Variants in ASAH2 observed in about 807,000 individuals in gnomAD.
The protein encoded by ASAH2 is neutral ceramidase.
A neutral mutation model predicts 82.9 loss-of-function variants in ASAH2; 58 were observed. The observed-to-expected ratio is 0.70, with a 90% CI of 0.57 to 0.87. The LOEUF is 0.87. Ranked by LOEUF, ASAH2 falls within the 40% of genes least tolerant of loss-of-function variation. The probability of loss-of-function intolerance (pLI) is 0.00; values close to 1 mark genes in which losing one functional copy is unlikely to be tolerated. For missense variants in ASAH2, 779 were observed against 834.0 expected (o/e 0.93, Z 0.81); for synonymous variants, 276 against 289.7 (o/e 0.95, Z 0.48).
chr10:50,251,064 C>A (rs544650908), intron 1 of ASAH2, among the ~76,000 whole-genome samples: 1 of 152,298 alleles, frequency 6.6e-6, no homozygotes, highest in African/African-American at 2.4e-5. Context: ...GCCTTCCCTG[C>A]CTTTAGAATG....
intron 8 of ASAH2, among the ~76,000 whole-genome samples, chr10:50,217,363 G>A (rs1450995068): frequency 1.3e-5 from 2 of 151,880 alleles, no homozygotes; most frequent in Non-Finnish European, 2.9e-5. Flanking sequence ...AAGTAGCTGG[G>A]ACTATAGGCA....
intron 7 of ASAH2, among the ~76,000 whole-genome samples, chr10:50,219,898 C>A (rs1454816456): frequency 6.6e-6 from 1 of 152,208 alleles, no homozygotes; most frequent in Non-Finnish European, 1.5e-5. Context: ...TACTCAGCTC[C>A]AGCCAAGTGT....
Position 50,213,024 on chromosome 10 carries a change from T to C in ASAH2, c.1175A>G (p.Asp392Gly). 1 of 1,613,764 alleles carries C rather than the reference T, an allele frequency of 6.2e-7. No homozygotes were observed. The highest frequency in any genetic ancestry group is 1.1e-5 in the South Asian group (1 of 91,072). The change falls in exon 10 of 21, where the codon GAT (aspartate) becomes GGT (glycine). Residue 392 changes from aspartate (D) to glycine (G), a missense_variant. Asp to Gly is a moderately conservative substitution (Grantham distance 94, BLOSUM62 -1). Coordinates refer to ENST00000682911, the MANE Select transcript of ASAH2 (RefSeq NM_019893.4). The part of the protein sequence containing the change: ...SMCIAKGPGQ[D>G]MFDSTQIIGR... ...TATAATTTGTGTGCTGTCAAACATA[T>C]CCTGTCCAGGTCCCTTAGCAATGCA...
chr10:50,208,090 T>C (rs1322107267), intron 12 of ASAH2, among the ~76,000 whole-genome samples: 1 of 151,880 alleles, frequency 6.6e-6, no homozygotes, highest in Non-Finnish European at 1.5e-5. Context: ...CAGAGAGAAA[T>C]ATTTGCCAAA....
At chr10:50,239,546 A>G (rs1252511388) in intron 4 of ASAH2, among the ~76,000 whole-genome samples, 13 of 152,308 alleles carry the variant, frequency 8.5e-5, no homozygotes, top group Admixed American at 7.8e-4. Flanking sequence ...AAAGCAGTAT[A>G]GTATAGTAGA....
At chr10:50,214,370 A>C (rs1419774578) in intron 9 of ASAH2, among the ~76,000 whole-genome samples, 1 of 152,166 alleles carries the variant, frequency 6.6e-6, no homozygotes, top group African/African-American at 2.4e-5. Flanking sequence ...TTATATTAAA[A>C]ACCCTATAAA....
In ASAH2 at chr10:50,186,976, A is replaced by G. The variant is rs1360250254; in HGVS notation, c.*339T>C. ...TTCTCACTAATATTTCAGAGGTTTT[A>G]TATTGAAGGGACTCTCCTTTAAACA... On this transcript the variant is annotated 3_prime_UTR_variant, in exon 21 of 21. Transcript: ENST00000682911. 7.9e-4 allele frequency: 136 copies of G among 172,382 alleles called. 3 individuals are homozygous for G. Among genetic ancestry groups the G allele is most frequent in the African/African-American group, 3.5e-3 (126 of 36,270 alleles). 10.7% of individuals were successfully genotyped at this position (172,382 alleles called of 1,614,324 possible). A position where few individuals can be genotyped will look rare whatever the true frequency, so the allele number is the denominator to read the frequency against.
chr10:50,248,681 T>A, intron 1 of ASAH2, 35 bp from the exon 2 acceptor site: 1 of 1,498,024 alleles, frequency 6.7e-7, no homozygotes, highest in Admixed American at 2.0e-5. Flanking sequence ...AAAATGCAAA[T>A]GCTTTAAGCC....
At chr10:50,213,108 T>A in intron 9 of ASAH2, 50 bp from the exon 10 acceptor site, 1 of 1,468,990 alleles carries the variant, frequency 6.8e-7, no homozygotes, top group East Asian at 2.3e-5. Flanking sequence ...AGAAATTATT[T>A]TAAGGAATAA....
intron 14 of ASAH2, among the ~76,000 whole-genome samples, chr10:50,204,345 A>G (rs1845237827): frequency 6.6e-6 from 1 of 151,988 alleles, no homozygotes; most frequent in South Asian, 2.1e-4. Flanking sequence ...CCAGGAAGGG[A>G]AGTGACAGAA....
Position 50,248,578 on chromosome 10 carries a change from T to A in ASAH2, c.33A>T (p.Thr11=). Residue 11 remains threonine (T), a synonymous_variant, in exon 2 of 21, where the codon ACA becomes ACT. Coordinates refer to ENST00000682911, the MANE Select transcript of ASAH2 (RefSeq NM_019893.4). Reference sequence around the variant, plus strand: ...TCATTACAAGGAGGAAAATCAGGAATGTCTCCAAGTTAGAGAAGGTGCGTT... The same window carrying A: ...TCATTACAAGGAGGAAAATCAGGAAAGTCTCCAAGTTAGAGAAGGTGCGTT... MAKRTFSNLE[T]FLIFLLVMMS... is the part of the protein sequence containing the mutation. 1 of 1,613,728 alleles carries A rather than the reference T, an allele frequency of 6.2e-7. No individual in the cohort carries two copies. Among genetic ancestry groups the A allele is most frequent in the Non-Finnish European group, 8.5e-7 (1 of 1,179,638 alleles).
At position 50,245,429 on chromosome 10, in the gene ASAH2, G is replaced by A. The variant is rs188096471; in HGVS notation, c.153C>T (p.Thr51=). Residue 51 remains threonine, a synonymous_variant, in exon 3 of 21, where the codon ACC becomes ACT. Transcript: ENST00000682911. ...HKDLGGHFFS[T]TQSPPATQGS... is the part of the protein sequence containing the mutation. ...CCTGGGTGGCTGGAGGGCTTTGGGT[G>A]GTTGAAAAAAAATGGCCTCCTAAAT... 5 of 1,612,048 alleles carry A rather than the reference G, an allele frequency of 3.1e-6. No individual in the cohort carries two copies. Among genetic ancestry groups the A allele is most frequent in the Non-Finnish European group, 3.4e-6 (4 of 1,179,410 alleles).
At chr10:50,242,839 TGAA>T (rs924136617) in intron 4 of ASAH2, among the ~76,000 whole-genome samples, 45 of 152,216 alleles carry the variant, frequency 3.0e-4, no homozygotes, top group African/African-American at 9.6e-4. Flanking sequence ...TCTGAGAACT[TGAA>T]GAAGTGCTTA....
chr10:50,248,762 T>A (rs932166214), intron 1 of ASAH2, among the ~76,000 whole-genome samples, 116 bp from the exon 2 acceptor site: 36 of 152,218 alleles, frequency 2.4e-4, no homozygotes, highest in African/African-American at 8.4e-4. Context: ...ACAGAGCACT[T>A]ACCACTCATT....
intron 12 of ASAH2, among the ~76,000 whole-genome samples, chr10:50,210,256 T>C (rs1845415825): frequency 6.6e-6 from 1 of 152,140 alleles, no homozygotes; most frequent in Non-Finnish European, 1.5e-5. Context: ...ATCCCAGCAC[T>C]CTGGGAGGCT....
At chr10:50,202,364 A>G (rs1442440469) in intron 16 of ASAH2, among the ~76,000 whole-genome samples, 1 of 151,966 alleles carries the variant, frequency 6.6e-6, no homozygotes, top group East Asian at 1.9e-4. Context: ...ACTCTCTGGG[A>G]CTCTGTTTCT....
chr10:50,198,108 A>G (rs556487600), intron 17 of ASAH2, among the ~76,000 whole-genome samples: 4 of 152,160 alleles, frequency 2.6e-5, no homozygotes, highest in African/African-American at 4.8e-5. Context: ...GAAATTTTCA[A>G]CGTTCAATTG....
intron 17 of ASAH2, among the ~76,000 whole-genome samples, chr10:50,197,224 T>C (rs2669790): frequency 8.6e-5 from 13 of 151,946 alleles, no homozygotes; most frequent in East Asian, 7.8e-4. Context: ...ATTGTCTGAC[T>C]TTGTACAGGG....
intron 11 of ASAH2, 52 bp downstream of exon 11, chr10:50,210,978 A>T: frequency 6.2e-7 from 1 of 1,601,960 alleles, no homozygotes; most frequent in Non-Finnish European, 8.6e-7. Context: ...TAATGAGATC[A>T]AACCAAAACT....
Sources: gnomAD v4.1 joint callset for allele counts (sites outside exome capture counted in the v4.1 genomes callset) on GRCh38, gnomAD v4.1.1 for gene constraint, MANE v1.5 for transcripts, NCBI Gene and HGNC (gene_info 2026-07-23, HGNC 2026-07-21) for gene names.